MRTFB: variants seen among roughly 807,000 people sequenced by gnomAD.
MRTFB encodes myocardin-related transcription factor B.
In MRTFB, 29 loss-of-function variants were observed where a neutral mutation model predicts 104.2. The observed-to-expected ratio is 0.28, with a 90% CI of 0.21 to 0.38. The LOEUF (loss-of-function observed/expected upper bound fraction) is 0.38, where lower values mean the gene tolerates loss of function less well. Ranked by LOEUF, MRTFB falls within the 10% of genes least tolerant of loss-of-function variation. The pLI is 1.00. For missense variants in MRTFB, 1,270 were observed against 1,341.6 expected (o/e 0.95, Z 0.83); for synonymous variants, 535 against 519.5 (o/e 1.03, Z -0.41).
chr16:14,050,779 A>C, the MRTFB span, among the ~76,000 whole-genome samples: 3 of 152,094 alleles, frequency 2.0e-5, no homozygotes, highest in Non-Finnish European at 2.9e-5. Context: ...TGGAGATAAC[A>C]CAGCGTACTC....
At position 14,225,302 on chromosome 16, in the gene MRTFB, A is replaced by G. The variant is rs530625477; in HGVS notation, c.693+6304A>G. 3.9e-5 allele frequency among the ~76,000 whole-genome samples: 6 copies of G among 152,374 alleles called. No homozygotes were observed. In the East Asian group the frequency reaches 1.2e-3, roughly 29 times the overall value. On this transcript the variant is annotated intron_variant, in intron 8 of 16. Transcript: ENST00000571589. ...TTAAAATACACATTCATTAAAAATT[A>G]CAAATCTATGTTAATGGCCACACAG...
At chr16:14,059,997 ATTTT>A in the MRTFB span, among the ~76,000 whole-genome samples, 1 of 99,716 alleles carries the variant, frequency 1.0e-5, no homozygotes. Flanking sequence ...GAGACATGTA[ATTTT>A]TTTTTTTTTT....
At chr16:14,029,128 T>G in the MRTFB span, among the ~76,000 whole-genome samples, 2 of 151,626 alleles carry the variant, frequency 1.3e-5, no homozygotes, top group Non-Finnish European at 1.5e-5. Flanking sequence ...GACCCTCGTT[T>G]CTACAAAAGA....
At chr16:14,088,415 G>A (rs1218802603) in intron 2 of MRTFB, among the ~76,000 whole-genome samples, 1 of 152,164 alleles carries the variant, frequency 6.6e-6, no homozygotes. Flanking sequence ...ACTTGAATAC[G>A]GATCTCTCTG....
the MRTFB span, among the ~76,000 whole-genome samples, chr16:14,020,684 G>A: frequency 2.0e-5 from 3 of 152,194 alleles, no homozygotes; most frequent in African/African-American, 7.2e-5. Flanking sequence ...TTGGCTGCCA[G>A]ATGACGGCAG....
At chr16:14,081,395 C>T (rs187591857) in intron 2 of MRTFB, among the ~76,000 whole-genome samples, 1,518 of 150,880 alleles carry the variant, frequency 0.01, 17 homozygotes, top group Non-Finnish European at 0.017. Context: ...CGGATTCAAG[C>T]GATTCTCCTG....
the MRTFB span, among the ~76,000 whole-genome samples, chr16:14,001,066 G>A: frequency 5.1e-4 from 78 of 152,320 alleles, 1 homozygote; most frequent in African/African-American, 1.5e-3. Flanking sequence ...TAGCGACTAC[G>A]TCCCTCACCC....
At chr16:14,090,780 T>A (rs1158652679) in intron 2 of MRTFB, among the ~76,000 whole-genome samples, 1 of 152,124 alleles carries the variant, frequency 6.6e-6, no homozygotes, top group African/African-American at 2.4e-5. Flanking sequence ...ATTATTGATA[T>A]AATAAAATGT....
chr16:14,159,013 T>C (rs2038931077), intron 3 of MRTFB, among the ~76,000 whole-genome samples: 2 of 150,450 alleles, frequency 1.3e-5, no homozygotes, highest in Admixed American at 6.6e-5. Context: ...TTGTGACTTA[T>C]GCCTGTGGTC....
chr16:14,053,322 CATTT>C, the MRTFB span, among the ~76,000 whole-genome samples: 6 of 152,058 alleles, frequency 3.9e-5, no homozygotes. Context: ...TTTATCCATT[CATTT>C]GTTAGACAGT....
chr16:14,243,853 G>T (rs2042887210), intron 10 of MRTFB, among the ~76,000 whole-genome samples: 1 of 124,424 alleles, frequency 8.0e-6, no homozygotes, highest in African/African-American at 4.3e-5. Flanking sequence ...GATTAGTTTT[G>T]CCTGTTTTGG....
chr16:14,260,567 A>G (rs73518957), intron 16 of MRTFB, among the ~76,000 whole-genome samples: 3,603 of 152,292 alleles, frequency 0.024, 153 homozygotes, highest in African/African-American at 0.082. Flanking sequence ...AAAACCATTG[A>G]TACCTATCTA....
At chr16:14,027,260 G>T in the MRTFB span, among the ~76,000 whole-genome samples, 2 of 151,948 alleles carry the variant, frequency 1.3e-5, no homozygotes, top group Non-Finnish European at 2.9e-5. Context: ...ACAACGCTGT[G>T]TGAAAAAAAA....
At chr16:14,191,586 A>G (rs544199443) in intron 3 of MRTFB, among the ~76,000 whole-genome samples, 3 of 152,112 alleles carry the variant, frequency 2.0e-5, no homozygotes, top group Admixed American at 6.5e-5. Context: ...TCATCCCCCA[A>G]TACCCTGCAT....
At chr16:14,065,328 G>A in the MRTFB span, among the ~76,000 whole-genome samples, 2 of 152,134 alleles carry the variant, frequency 1.3e-5, no homozygotes, top group Non-Finnish European at 2.9e-5. Context: ...AACTGTGCTG[G>A]AGCTGTTAAT....
chr16:14,003,101 C>T, the MRTFB span, among the ~76,000 whole-genome samples: 1 of 152,068 alleles, frequency 6.6e-6, no homozygotes, highest in South Asian at 2.1e-4. Context: ...CCCCCTTGAG[C>T]TATTGAGGAC....
rs1320104786 is a variant in MRTFB, at chr16:14,105,603, T to C, written c.-64+26249T>C. Among the ~76,000 whole-genome samples, 3 of 152,284 alleles carry C rather than the reference T, an allele frequency of 2.0e-5. No homozygotes were observed. In the East Asian group the frequency reaches 5.8e-4, roughly 29 times the overall value. On this transcript the variant is annotated intron_variant, in intron 2 of 16. Transcript: ENST00000571589. Reference sequence around the variant, plus strand: ...TTGTAAAGATAGGGTCTCACTGTGTTGCCCAGGCTGGTCTCAAACTCCTGG... The same window carrying C: ...TTGTAAAGATAGGGTCTCACTGTGTCGCCCAGGCTGGTCTCAAACTCCTGG...
At chr16:14,070,144 C>T (rs1229244499), upstream of MRTFB, among the ~76,000 whole-genome samples, 1 of 152,194 alleles carries the variant, frequency 6.6e-6, no homozygotes, top group Non-Finnish European at 1.5e-5. Flanking sequence ...ACCTCCAGGG[C>T]TCCTGATCTT....
intron 3 of MRTFB, chr16:14,201,111 A>G (rs1423772184): frequency 3.8e-6 from 5 of 1,329,278 alleles, no homozygotes; most frequent in Non-Finnish European, 5.0e-6. Flanking sequence ...TTTATTTATA[A>G]AAAGGAAAAA....
Sources: gnomAD v4.1 joint callset for allele counts (sites outside exome capture counted in the v4.1 genomes callset) on GRCh38, gnomAD v4.1.1 for gene constraint, MANE v1.5 for transcripts, NCBI Gene and HGNC (gene_info 2026-07-23, HGNC 2026-07-21) for gene names.